Variants in ADAM2 observed in about 807,000 individuals in gnomAD.
The protein encoded by ADAM2 is disintegrin and metalloproteinase domain-containing protein 2.
ADAM2 carries 101 observed loss-of-function variants against 99.3 expected under a neutral mutation model. The ratio of observed to expected loss-of-function variants is 1.02; its 90% confidence interval spans 0.87 to 1.20. The LOEUF (loss-of-function observed/expected upper bound fraction) is 1.20. ADAM2 is among the 50% of genes most tolerant of loss of function. The pLI is 0.00. For synonymous variants in ADAM2, 323 were observed against 287.6 expected (o/e 1.12, Z -1.25); for missense variants, 948 against 878.7 (o/e 1.08, Z -1.00).
intron 7 of ADAM2, among the ~76,000 whole-genome samples, chr8:39,802,537 T>C (rs769701301): frequency 1.1e-4 from 17 of 152,202 alleles, no homozygotes; most frequent in Non-Finnish European, 2.1e-4. Context: ...CTTCAATATC[T>C]GTGTGTGACC....
chr8:39,818,970 G>T (rs1460033289), intron 6 of ADAM2, among the ~76,000 whole-genome samples: 1 of 151,900 alleles, frequency 6.6e-6, no homozygotes, highest in Non-Finnish European at 1.5e-5. Flanking sequence ...TATTCCTCAG[G>T]TTTATCTACA....
At chr8:39,754,395 A>T (rs1802070005) in intron 16 of ADAM2, among the ~76,000 whole-genome samples, 1 of 152,214 alleles carries the variant, frequency 6.6e-6, no homozygotes, top group African/African-American at 2.4e-5. Flanking sequence ...ATGGGAAAAA[A>T]ATAACTACCA....
chr8:39,827,329 T>C (rs942235606), intron 3 of ADAM2, among the ~76,000 whole-genome samples: 2 of 152,082 alleles, frequency 1.3e-5, no homozygotes, highest in African/African-American at 4.8e-5. Context: ...ATAAGGAGGT[T>C]TCTCAAAATG....
chr8:39,794,273 C>T (rs1803843691), intron 7 of ADAM2, among the ~76,000 whole-genome samples: 1 of 152,058 alleles, frequency 6.6e-6, no homozygotes, highest in Admixed American at 6.6e-5. Context: ...TGTTAAGGAT[C>T]TCTAGTTAAT....
intron 7 of ADAM2, among the ~76,000 whole-genome samples, chr8:39,798,132 T>C (rs767271262): frequency 7.2e-5 from 11 of 152,358 alleles, no homozygotes; most frequent in Non-Finnish European, 1.6e-4. Context: ...TCAAAGGGAA[T>C]GCTTTCAGTT....
intron 11 of ADAM2, among the ~76,000 whole-genome samples, chr8:39,775,829 C>T (rs992030994): frequency 5.9e-5 from 9 of 152,064 alleles, no homozygotes; most frequent in Non-Finnish European, 1.3e-4. Context: ...TTGATATGCT[C>T]ACTTGATCTT....
At chr8:39,793,458 C>T (rs1803802682) in intron 7 of ADAM2, among the ~76,000 whole-genome samples, 1 of 152,038 alleles carries the variant, frequency 6.6e-6, no homozygotes, top group African/African-American at 2.4e-5. Context: ...CAAGTCTGCC[C>T]TATTTATCCA....
chr8:39,819,016 TTAAAAA>T (rs1805066627), intron 6 of ADAM2, among the ~76,000 whole-genome samples: 1 of 151,962 alleles, frequency 6.6e-6, no homozygotes, highest in Admixed American at 6.6e-5. Flanking sequence ...TTTTTGGAAA[TTAAAAA>T]TAAATAAATT....
chr8:39,822,745 TG>T (rs1014143251), intron 4 of ADAM2, among the ~76,000 whole-genome samples: 1 of 150,530 alleles, frequency 6.6e-6, no homozygotes, highest in African/African-American at 2.4e-5. Flanking sequence ...ATTTGAGGTC[TG>T]TTTTTTTTTT....
chr8:39,746,717 TA>T (rs1040401804), intron 18 of ADAM2, 86 bp from the exon 19 acceptor site: 1 of 1,068,346 alleles, frequency 9.4e-7, no homozygotes, highest in Admixed American at 2.6e-5. Flanking sequence ...TCTACCAAAA[TA>T]AAATCTTTGA....
At chr8:39,808,201 C>CAA (rs1053378464) in intron 7 of ADAM2, among the ~76,000 whole-genome samples, 13 of 151,364 alleles carry the variant, frequency 8.6e-5, no homozygotes, top group African/African-American at 2.7e-4. Context: ...CACACACACA[C>CAA]ACACACACAC....
At chr8:39,817,251 A>G (rs1220227749) in intron 6 of ADAM2, among the ~76,000 whole-genome samples, 1 of 152,186 alleles carries the variant, frequency 6.6e-6, no homozygotes, top group East Asian at 1.9e-4. Context: ...CATTAAAAGT[A>G]GATGCAATAA....
intron 11 of ADAM2, among the ~76,000 whole-genome samples, chr8:39,773,581 A>G (rs1802868975): frequency 6.6e-6 from 1 of 151,790 alleles, no homozygotes; most frequent in South Asian, 2.1e-4. Flanking sequence ...ATCACAAATT[A>G]TCCCATTGAC....
At chr8:39,797,809 A>G (rs1804034387) in intron 7 of ADAM2, among the ~76,000 whole-genome samples, 1 of 152,156 alleles carries the variant, frequency 6.6e-6, no homozygotes, top group Admixed American at 6.5e-5. Context: ...AGCAATTGCA[A>G]ATGGGAGTTC....
At chr8:39,761,809 C>T (rs368602656) in intron 14 of ADAM2, among the ~76,000 whole-genome samples, 2 of 152,124 alleles carry the variant, frequency 1.3e-5, no homozygotes, top group South Asian at 2.1e-4. Context: ...TGGCCGGGCG[C>T]GGTGGTTCAT....
rs1264794167 is a variant in ADAM2 at position 39,749,415 on chromosome 8, A to G, written c.1911T>C (p.Ala637=). The change falls in exon 18 of 21, where the codon GCT becomes GCC. Residue 637 remains alanine, a synonymous_variant. Transcript: ENST00000265708. ...CNNKKHCHCS[A]SYLPPDCSVQ... ...CTGAGCAATCTGGAGGTAAATATGA[A>G]GCACTACAGTGACAGTGCTTTTTGT... The G allele has an allele frequency of 1.9e-6, 3 of 1,613,342 alleles. No individual in the cohort carries two copies. The highest frequency in any genetic ancestry group is 2.7e-5 in the African/African-American group (2 of 74,892).
chr8:39,821,584 A>G lies in ADAM2; in HGVS notation c.344+2T>C. On this transcript the variant is annotated splice_donor_variant, in intron 5 of 20. Coordinates refer to ENST00000265708, the MANE Select transcript of ADAM2 (RefSeq NM_001464.5). LOFTEE classifies it high-confidence loss of function. ...GTAATTCATAAAACAGTAAATTACA[A>G]CCTGAGTCCAGTACATGTGCTAACC... 1.9e-6 allele frequency: 3 copies of G among 1,577,934 alleles called. No individual in the cohort carries two copies. Among genetic ancestry groups the G allele is most frequent in the Non-Finnish European group, 2.6e-6 (3 of 1,149,892 alleles).
At chr8:39,805,286 C>T (rs996830822) in intron 7 of ADAM2, among the ~76,000 whole-genome samples, 12 of 152,038 alleles carry the variant, frequency 7.9e-5, no homozygotes, top group South Asian at 2.1e-4. Context: ...GGCAGATAGG[C>T]GCAGGTCAAG....
chr8:39,788,326 A>C, intron 8 of ADAM2, 75 bp from the exon 9 acceptor site: 1 of 922,812 alleles, frequency 1.1e-6, no homozygotes. Flanking sequence ...TTTGAAAACA[A>C]ATTTATGATA....
Sources: allele counts gnomAD v4.1 joint callset (sites outside exome capture counted in the v4.1 genomes callset), GRCh38; gene constraint gnomAD v4.1.1; transcripts MANE v1.5; gene names NCBI Gene and HGNC (gene_info 2026-07-23, HGNC 2026-07-21).